Variants in STXBP5L observed in about 807,000 individuals in gnomAD.
STXBP5L encodes the protein syntaxin binding protein 5L, also known as syntaxin-binding protein 5-like.
STXBP5L carries 65 observed loss-of-function variants against 144.5 expected under a neutral mutation model. That is an observed-to-expected ratio of 0.45 (90% confidence interval 0.37 to 0.55). The LOEUF (loss-of-function observed/expected upper bound fraction) is 0.55. Among genes scored for constraint, STXBP5L ranks in the 20% least tolerant of loss-of-function variants. The probability of loss-of-function intolerance (pLI) is 0.00; values close to 1 mark genes in which losing one functional copy is unlikely to be tolerated. For synonymous variants in STXBP5L, 505 were observed against 469.6 expected, an observed-to-expected ratio of 1.08 and a Z score of -0.97; for missense variants, 1,298 against 1,405.5, an observed-to-expected ratio of 0.92 and a Z score of 1.22.
At chr3:121,043,716 A>T (rs1947316191) in intron 4 of STXBP5L, among the ~76,000 whole-genome samples, 1 of 152,030 alleles carries the variant, frequency 6.6e-6, no homozygotes, top group South Asian at 2.1e-4. Flanking sequence ...TCAAAAACAA[A>T]CAAACAAACA....
intron 9 of STXBP5L, among the ~76,000 whole-genome samples, chr3:121,205,310 G>A (rs1315344537): frequency 6.6e-6 from 1 of 152,210 alleles, no homozygotes; most frequent in Admixed American, 6.5e-5. Flanking sequence ...TAACATGGTG[G>A]AAGGTATCAC....
intron 6 of STXBP5L, among the ~76,000 whole-genome samples, chr3:121,117,377 T>G (rs901804568): frequency 6.6e-6 from 1 of 151,826 alleles, no homozygotes; most frequent in African/African-American, 2.4e-5. Flanking sequence ...GTCTCTTGAT[T>G]CATTTAGACC....
intron 3 of STXBP5L, among the ~76,000 whole-genome samples, chr3:120,983,873 C>T (rs1942039614): frequency 6.6e-6 from 1 of 152,178 alleles, no homozygotes; most frequent in Admixed American, 6.5e-5. Flanking sequence ...TGTATATTTA[C>T]TTGATATTTT....
At chr3:121,021,119 A>AT (rs139264460) in intron 3 of STXBP5L, among the ~76,000 whole-genome samples, 15,086 of 152,080 alleles carry the variant, frequency 0.099, 1,183 homozygotes, top group Admixed American at 0.2. Context: ...AGGAGTAGCT[A>AT]TTTTTTAATA....
At chr3:121,049,439 T>A (rs1222408094) in intron 5 of STXBP5L, among the ~76,000 whole-genome samples, 3 of 152,076 alleles carry the variant, frequency 2.0e-5, no homozygotes, top group African/African-American at 7.2e-5. Context: ...ATCTGGCTAC[T>A]TTTCCTTAAG....
chr3:120,989,644 C>G (rs186090016), intron 3 of STXBP5L, among the ~76,000 whole-genome samples: 1 of 152,176 alleles, frequency 6.6e-6, no homozygotes, highest in South Asian at 2.1e-4. Context: ...TTTTATGTTT[C>G]TGCATTTCTC....
intron 10 of STXBP5L, among the ~76,000 whole-genome samples, chr3:121,212,658 G>A (rs1335899028): frequency 1.3e-5 from 2 of 152,118 alleles, no homozygotes; most frequent in African/African-American, 4.8e-5. Context: ...GATGCCTCCA[G>A]CTTTGTTCTT....
chr3:121,255,652 C>G (rs2050181859), intron 16 of STXBP5L, among the ~76,000 whole-genome samples: 1 of 151,892 alleles, frequency 6.6e-6, no homozygotes, highest in Non-Finnish European at 1.5e-5. Context: ...TTCTCATCAA[C>G]TGTTTGACAT....
At chr3:121,007,499 A>G (rs750819195) in intron 3 of STXBP5L, among the ~76,000 whole-genome samples, 2 of 151,954 alleles carry the variant, frequency 1.3e-5, no homozygotes. Context: ...CAACAGTGAA[A>G]CCATTTGGGT....
intron 20 of STXBP5L, among the ~76,000 whole-genome samples, chr3:121,359,232 T>C (rs2045626685): frequency 6.6e-6 from 1 of 152,218 alleles, no homozygotes; most frequent in African/African-American, 2.4e-5. Context: ...TTCATAAGCC[T>C]GTTTTCCATT....
At chr3:121,052,935 A>G (rs531752454) in intron 5 of STXBP5L, among the ~76,000 whole-genome samples, 2 of 152,216 alleles carry the variant, frequency 1.3e-5, no homozygotes, top group Non-Finnish European at 2.9e-5. Flanking sequence ...AATCACAAGC[A>G]TTCTTATACA....
intron 19 of STXBP5L, among the ~76,000 whole-genome samples, chr3:121,306,693 A>G (rs1205126600): frequency 6.6e-6 from 1 of 152,190 alleles, no homozygotes; most frequent in Non-Finnish European, 1.5e-5. Flanking sequence ...GAAGTAATTG[A>G]TAGCACCTCT....
chr3:121,211,969 TTGA>T (rs1223709334), intron 10 of STXBP5L, among the ~76,000 whole-genome samples: 7 of 152,058 alleles, frequency 4.6e-5, no homozygotes, highest in South Asian at 2.1e-4. Context: ...ATGACCAGTG[TTGA>T]TGAGCTTTTT....
intron 10 of STXBP5L, among the ~76,000 whole-genome samples, chr3:121,210,149 C>T (rs28778369): frequency 0.099 from 15,063 of 151,980 alleles, 1,169 homozygotes; most frequent in Admixed American, 0.2. Flanking sequence ...GATGGTATCT[C>T]ATTGTGGTTT....
At chr3:121,334,137 T>C (rs906258890) in intron 20 of STXBP5L, among the ~76,000 whole-genome samples, 8 of 152,136 alleles carry the variant, frequency 5.3e-5, no homozygotes, top group Admixed American at 2.0e-4. Context: ...CCTTTTTGCC[T>C]TCCACCATGA....
chr3:121,379,027 G>A, intron 21 of STXBP5L, 141 bp downstream of exon 21: 2 of 892,602 alleles, frequency 2.2e-6, no homozygotes, highest in African/African-American at 1.7e-5. Flanking sequence ...GCCTGATGGG[G>A]CTGTGGCCAT....
At chr3:121,348,535 A>C (rs542079172) in intron 20 of STXBP5L, among the ~76,000 whole-genome samples, 2 of 152,048 alleles carry the variant, frequency 1.3e-5, no homozygotes, top group Admixed American at 6.6e-5. Flanking sequence ...AGGAATGGTA[A>C]CAGCTCCTCC....
chr3:121,111,919 T>C (rs978510266), intron 5 of STXBP5L, among the ~76,000 whole-genome samples: 3 of 152,122 alleles, frequency 2.0e-5, no homozygotes, highest in Admixed American at 6.5e-5. Flanking sequence ...TGTAAATCCC[T>C]AGCTGGAGTT....
intron 3 of STXBP5L, among the ~76,000 whole-genome samples, chr3:121,023,131 G>T (rs1212479591): frequency 1.3e-5 from 2 of 151,318 alleles, no homozygotes; most frequent in Non-Finnish European, 2.9e-5. Context: ...ATGAAATCAA[G>T]CTCAATTCCT....
Sources: allele counts gnomAD v4.1 joint callset (sites outside exome capture counted in the v4.1 genomes callset), GRCh38; gene constraint gnomAD v4.1.1; transcripts MANE v1.5; gene names NCBI Gene and HGNC (gene_info 2026-07-23, HGNC 2026-07-21).